The following PRELID2 variants were observed in gnomAD, a reference collection of about 807,000 sequenced individuals.
PRELID2 encodes the protein PRELI domain-containing protein 2.
A neutral mutation model predicts 28.4 loss-of-function variants in PRELID2; 25 were observed. The observed-to-expected ratio is 0.88, with a 90% CI of 0.64 to 1.23. The LOEUF is 1.23. PRELID2 is among the 50% of genes most tolerant of loss of function. The pLI is 0.00. For missense variants in PRELID2, 201 were observed against 214.4 expected, an observed-to-expected ratio of 0.94 and a Z score of 0.39; for synonymous variants, 76 against 71.6, an observed-to-expected ratio of 1.06 and a Z score of -0.31.
At chr5:145,794,178 G>T (rs922394531) in intron 5 of PRELID2, among the ~76,000 whole-genome samples, 1 of 152,172 alleles carries the variant, frequency 6.6e-6, no homozygotes, top group Non-Finnish European at 1.5e-5. Flanking sequence ...TACACAGAAA[G>T]AGTGGAATAA....
chr5:145,575,725 C>G (rs988127997), intron 1 of PRELID2, among the ~76,000 whole-genome samples: 1 of 152,100 alleles, frequency 6.6e-6, no homozygotes, highest in Non-Finnish European at 1.5e-5. Flanking sequence ...CATTATTGGT[C>G]CCTGACTATA....
At chr5:145,568,688 G>A (rs1293675810) in intron 1 of PRELID2, among the ~76,000 whole-genome samples, 1 of 152,132 alleles carries the variant, frequency 6.6e-6, no homozygotes, top group Non-Finnish European at 1.5e-5. Context: ...TCTTCTCCCT[G>A]GCCTGCCTCA....
chr5:145,808,166 G>C (rs1194024958), intron 4 of PRELID2, among the ~76,000 whole-genome samples: 2 of 152,086 alleles, frequency 1.3e-5, no homozygotes, highest in Admixed American at 6.5e-5. Context: ...TATTTATTTA[G>C]GCTATTAGTT....
intron 1 of PRELID2, among the ~76,000 whole-genome samples, chr5:145,680,494 C>G (rs559991870): frequency 6.6e-6 from 1 of 152,130 alleles, no homozygotes; most frequent in Non-Finnish European, 1.5e-5. Flanking sequence ...GTGTGAATTT[C>G]TTTTGTTAGC....
At chr5:145,496,161 T>C (rs1752307961) in intron 1 of PRELID2, among the ~76,000 whole-genome samples, 1 of 152,158 alleles carries the variant, frequency 6.6e-6, no homozygotes, top group African/African-American at 2.4e-5. Flanking sequence ...GGAGCTTACA[T>C]GCATATAGAG....
the PRELID2 span, among the ~76,000 whole-genome samples, chr5:145,403,328 AGGAGTTCAAGGCCAGCCTG>A: frequency 6.6e-6 from 1 of 152,300 alleles, no homozygotes; most frequent in African/African-American, 2.4e-5. Context: ...GCTTGAGCCC[AGGAGTTCAAGGCCAGCCTG>A]GGCAACATAG....
At chr5:145,265,108 T>C in the PRELID2 span, among the ~76,000 whole-genome samples, 2 of 151,846 alleles carry the variant, frequency 1.3e-5, no homozygotes, top group Non-Finnish European at 1.5e-5. Flanking sequence ...TCAGCAAAAT[T>C]TCAAGATACA....
At chr5:145,552,044 A>T in intron 1 of PRELID2, among the ~76,000 whole-genome samples, 1 of 152,144 alleles carries the variant, frequency 6.6e-6, no homozygotes, top group East Asian at 1.9e-4. Context: ...GACAAAGAGC[A>T]GAGAATATCC....
At chr5:145,686,031 G>A in intron 1 of PRELID2, among the ~76,000 whole-genome samples, 1 of 152,202 alleles carries the variant, frequency 6.6e-6, no homozygotes. Flanking sequence ...ACAGCATGGC[G>A]ATGTATAAAT....
At chr5:145,318,687 GC>G in the PRELID2 span, among the ~76,000 whole-genome samples, 1 of 152,204 alleles carries the variant, frequency 6.6e-6, no homozygotes, top group South Asian at 2.1e-4. Flanking sequence ...TTGGGCTCCA[GC>G]CCCATGGTAG....
At chr5:145,229,527 GC>G in the PRELID2 span, 1 of 1,451,608 alleles carries the variant, frequency 6.9e-7, no homozygotes, top group Non-Finnish European at 9.5e-7. Context: ...AGGGTGACCA[GC>G]GTCAAGGATG....
chr5:145,709,592 A>C (rs977314515), intron 1 of PRELID2, among the ~76,000 whole-genome samples: 8 of 152,008 alleles, frequency 5.3e-5, no homozygotes, highest in South Asian at 2.1e-4. Context: ...TAAAAAAAAA[A>C]AAAACAAAAT....
the PRELID2 span, among the ~76,000 whole-genome samples, chr5:145,450,051 G>C: frequency 3.3e-5 from 5 of 152,156 alleles, no homozygotes; most frequent in African/African-American, 1.2e-4. Flanking sequence ...TTCCCTGTCA[G>C]AATGAAGCTG....
At chr5:145,271,431 G>C in the PRELID2 span, among the ~76,000 whole-genome samples, 1 of 151,964 alleles carries the variant, frequency 6.6e-6, no homozygotes, top group South Asian at 2.1e-4. Flanking sequence ...GCCTAGGCTG[G>C]TTTCAAACTC....
the PRELID2 span, among the ~76,000 whole-genome samples, chr5:145,368,291 C>T: frequency 6.6e-6 from 1 of 151,836 alleles, no homozygotes; most frequent in African/African-American, 2.4e-5. Context: ...GCTCTAAAGC[C>T]ACCAATTTTT....
chr5:145,281,091 A>C, the PRELID2 span, among the ~76,000 whole-genome samples: 1 of 152,166 alleles, frequency 6.6e-6, no homozygotes, highest in African/African-American at 2.4e-5. Flanking sequence ...AGAAGTAGCA[A>C]AACTGGTAAC....
the PRELID2 span, among the ~76,000 whole-genome samples, chr5:145,298,577 T>C: frequency 6.6e-6 from 1 of 152,268 alleles, no homozygotes; most frequent in Non-Finnish European, 1.5e-5. Context: ...ACTGCCATCA[T>C]AAAGGGACAA....
At chr5:145,816,899 G>A (rs979175692) in intron 4 of PRELID2, among the ~76,000 whole-genome samples, 19 of 152,062 alleles carry the variant, frequency 1.2e-4, no homozygotes, top group African/African-American at 3.4e-4. Flanking sequence ...AGTGGATCAC[G>A]CCTGGAATCC....
At chr5:145,488,413 T>G (rs1157055564) in intron 1 of PRELID2, among the ~76,000 whole-genome samples, 3 of 152,208 alleles carry the variant, frequency 2.0e-5, no homozygotes, top group Admixed American at 1.3e-4. Flanking sequence ...GCCACTCCCG[T>G]GTTTTTCCCA....
Sources: allele counts gnomAD v4.1 joint callset (sites outside exome capture counted in the v4.1 genomes callset), GRCh38; gene constraint gnomAD v4.1.1; transcripts MANE v1.5; gene names NCBI Gene and HGNC (gene_info 2026-07-23, HGNC 2026-07-21).